Variants in CHODL observed in about 807,000 individuals in gnomAD.
The protein encoded by CHODL is transmembrane protein MT75.
Under a neutral mutation model 34.5 loss-of-function variants are expected in CHODL, and 29 were observed. The observed-to-expected ratio is 0.84, with a 90% CI of 0.63 to 1.15. The LOEUF is 1.15. Among genes scored for constraint, CHODL ranks in the 50% most tolerant of loss-of-function variants. The pLI is 0.00. For synonymous variants in CHODL, 125 were observed against 116.1 expected, an observed-to-expected ratio of 1.08 and a Z score of -0.49; for missense variants, 332 against 332.5, an observed-to-expected ratio of 1.00 and a Z score of 0.01.
At chr21:18,240,904 C>T (rs2074075681), upstream of CHODL, among the ~76,000 whole-genome samples, 1 of 152,048 alleles carries the variant, frequency 6.6e-6, no homozygotes, top group Non-Finnish European at 1.5e-5. Context: ...ATTTTAACTT[C>T]AAGTTATAGA....
At chr21:18,101,762 G>A (rs905674329) in intron 2 of CHODL, among the ~76,000 whole-genome samples, 1 of 149,356 alleles carries the variant, frequency 6.7e-6, no homozygotes, top group African/African-American at 2.5e-5. Flanking sequence ...GTATAAGAAA[G>A]TTTCTCATCC....
intron 1 of CHODL, among the ~76,000 whole-genome samples, chr21:17,975,900 C>T (rs1174910532): frequency 6.6e-6 from 1 of 151,952 alleles, no homozygotes; most frequent in African/African-American, 2.4e-5. Context: ...AAACAACAAA[C>T]CAACAGATAT....
At chr21:18,074,513 T>A (rs929628046) in intron 2 of CHODL, among the ~76,000 whole-genome samples, 2 of 152,114 alleles carry the variant, frequency 1.3e-5, no homozygotes, top group Admixed American at 6.6e-5. Context: ...AAAGAATAGA[T>A]GATATAGAGA....
intron 2 of CHODL, among the ~76,000 whole-genome samples, chr21:18,180,575 T>C (rs1258882667): frequency 6.6e-6 from 1 of 152,216 alleles, no homozygotes; most frequent in Non-Finnish European, 1.5e-5. Context: ...TATTACGTAG[T>C]TATTAATTTG....
At chr21:18,059,410 C>T (rs976811440) in intron 2 of CHODL, among the ~76,000 whole-genome samples, 3 of 151,804 alleles carry the variant, frequency 2.0e-5, no homozygotes, top group South Asian at 2.1e-4. Context: ...TCAAATGGGG[C>T]GAAGAGCCTT....
chr21:18,191,659 T>A (rs1040712108), intron 2 of CHODL, among the ~76,000 whole-genome samples: 1 of 152,190 alleles, frequency 6.6e-6, no homozygotes, highest in African/African-American at 2.4e-5. Context: ...TAGATTTTTG[T>A]GATTGAGGTG....
chr21:17,945,947 AT>A (rs2063403898), intron 1 of CHODL, among the ~76,000 whole-genome samples: 1 of 152,236 alleles, frequency 6.6e-6, no homozygotes, highest in Admixed American at 6.5e-5. Context: ...AGAATGATAT[AT>A]TCAAAGTGCT....
In CHODL at chr21:17,949,785, A is replaced by AG. The variant is rs577840274; in HGVS notation, c.-145+32390dup. Among the ~76,000 whole-genome samples, 234 of 152,300 alleles carry AG rather than the reference A, an allele frequency of 1.5e-3. 3 individuals carry two copies. The highest frequency in any genetic ancestry group is 6.4e-3 in the East Asian group (33 of 5,192). On this transcript the variant is annotated intron_variant, in intron 1 of 6. Transcript: ENST00000400127. ...AGAATATAATAAAGATCTAAAGTAA[A>AG]GGGGGTAAATATGATAGCAAATTGT...
At chr21:17,920,799 C>G (rs1488456379) in intron 1 of CHODL, among the ~76,000 whole-genome samples, 2 of 152,002 alleles carry the variant, frequency 1.3e-5, no homozygotes, top group Non-Finnish European at 2.9e-5. Flanking sequence ...GTCAGAGGCC[C>G]CACTGAAGAC....
At position 18,256,563 on chromosome 21, in the gene CHODL, T is replaced by G; in HGVS notation, c.134T>G (p.Phe45Cys). The change falls in exon 2 of 6, where the codon TTC becomes TGC. Residue 45 changes from phenylalanine to cysteine, a missense_variant. Physicochemically the swap from Phe to Cys is radical, Grantham distance 205. Transcript: ENST00000299295. ...CATCCCTGCTACAAAATGGCCTACT[T>G]CCATGAACTGTCCAGCCGAGTGAGC... is the stretch of plus-strand genomic sequence containing the variant. ...FKHPCYKMAY[F>C]HELSSRVSFQ... 2 of 1,613,984 alleles carry G rather than the reference T, an allele frequency of 1.2e-6. No homozygotes were observed. Among genetic ancestry groups the G allele is most frequent in the Non-Finnish European group, 1.7e-6 (2 of 1,179,982 alleles).
At chr21:18,100,328 A>AG (rs35833059) in intron 2 of CHODL, among the ~76,000 whole-genome samples, 69,948 of 151,778 alleles carry the variant, frequency 0.46, 16,908 homozygotes, top group Non-Finnish European at 0.51. Flanking sequence ...GGTAGACAGG[A>AG]TGATAATGTC....
chr21:18,002,431 T>C (rs1165403065), intron 1 of CHODL, among the ~76,000 whole-genome samples: 1 of 152,216 alleles, frequency 6.6e-6, no homozygotes, highest in Non-Finnish European at 1.5e-5. Flanking sequence ...TCAAACATAC[T>C]TCTCTCTTTA....
intron 1 of CHODL, among the ~76,000 whole-genome samples, chr21:17,977,918 CAAAAAAAAAAAAAAA>C (rs57837589): frequency 1.4e-5 from 1 of 69,018 alleles, no homozygotes; most frequent in Non-Finnish European, 2.5e-5. Flanking sequence ...ACTCCCATCT[CAAAAAAAAAAAAAAA>C]AGAAAAAGAT....
chr21:18,072,894 G>C (rs2064822435), intron 2 of CHODL, among the ~76,000 whole-genome samples: 2 of 152,022 alleles, frequency 1.3e-5, no homozygotes, highest in Non-Finnish European at 2.9e-5. Context: ...TTTTATATTA[G>C]AGTTCATTAC....
intron 2 of CHODL, among the ~76,000 whole-genome samples, chr21:18,108,993 T>C (rs2065313331): frequency 6.6e-6 from 1 of 152,130 alleles, no homozygotes; most frequent in Non-Finnish European, 1.5e-5. Context: ...CTGACAGCTA[T>C]AAGAGATCCA....
At chr21:17,941,089 T>G (rs1413628884) in intron 1 of CHODL, among the ~76,000 whole-genome samples, 1 of 152,192 alleles carries the variant, frequency 6.6e-6, no homozygotes, top group Non-Finnish European at 1.5e-5. Flanking sequence ...TTGCCATCTC[T>G]TATCTCTAAA....
At chr21:17,935,998 T>G (rs1369819633) in intron 1 of CHODL, among the ~76,000 whole-genome samples, 1 of 152,216 alleles carries the variant, frequency 6.6e-6, no homozygotes, top group African/African-American at 2.4e-5. Flanking sequence ...CCTGGCAATT[T>G]TTTAGACAGG....
At chr21:18,039,337 G>T (rs899438411) in intron 2 of CHODL, among the ~76,000 whole-genome samples, 3 of 151,854 alleles carry the variant, frequency 2.0e-5, no homozygotes, top group Middle Eastern at 3.4e-3. Flanking sequence ...AGCTTTAGTA[G>T]TTAGGGGTAG....
chr21:18,248,624 T>A (rs984478435), intron 1 of CHODL, among the ~76,000 whole-genome samples: 1 of 132,492 alleles, frequency 7.5e-6, no homozygotes, highest in African/African-American at 2.9e-5. Flanking sequence ...ACATATATAA[T>A]ATATATAATA....
Sources: gnomAD v4.1 joint callset for allele counts (sites outside exome capture counted in the v4.1 genomes callset) on GRCh38, gnomAD v4.1.1 for gene constraint, MANE v1.5 for transcripts, NCBI Gene and HGNC (gene_info 2026-07-23, HGNC 2026-07-21) for gene names.